TRAPPC9: variants seen among roughly 807,000 people sequenced by gnomAD.
The protein encoded by TRAPPC9 is trafficking protein particle complex subunit 9, also known as IKK2 binding protein.
In TRAPPC9, 83 loss-of-function variants were observed where a neutral mutation model predicts 124.0. That is an observed-to-expected ratio of 0.67 (90% confidence interval 0.56 to 0.80). The LOEUF (loss-of-function observed/expected upper bound fraction) is 0.80, where lower values mean the gene tolerates loss of function less well. Ranked by LOEUF, TRAPPC9 falls within the 30% of genes least tolerant of loss-of-function variation. The pLI, the probability that TRAPPC9 is intolerant of heterozygous loss-of-function variation, is 0.00. For synonymous variants in TRAPPC9, 638 were observed against 617.5 expected (o/e 1.03, Z -0.49); for missense variants, 1,302 against 1,508.3 (o/e 0.86, Z 2.27).
At chr8:140,044,265 A>G (rs1165495957) in intron 17 of TRAPPC9, among the ~76,000 whole-genome samples, 1 of 148,596 alleles carries the variant, frequency 6.7e-6, no homozygotes, top group Non-Finnish European at 1.5e-5. Context: ...CAACAGAACA[A>G]CAACGACCAA....
chr8:140,349,393 G>A (rs2067469207), intron 9 of TRAPPC9, among the ~76,000 whole-genome samples: 2 of 139,610 alleles, frequency 1.4e-5, no homozygotes, highest in South Asian at 2.4e-4. Context: ...CAGCGGGGCC[G>A]ATGGGGGCGC....
At chr8:140,031,651 A>T (rs1166911120) in intron 17 of TRAPPC9, among the ~76,000 whole-genome samples, 1 of 152,218 alleles carries the variant, frequency 6.6e-6, no homozygotes, top group African/African-American at 2.4e-5. Flanking sequence ...GGTCAATGAA[A>T]CTCACAAATA....
chr8:140,267,445 T>C (rs1462205400), intron 15 of TRAPPC9, among the ~76,000 whole-genome samples: 1 of 152,178 alleles, frequency 6.6e-6, no homozygotes, highest in South Asian at 2.1e-4. Context: ...CGGGTAAGAG[T>C]GTCAATACTA....
At position 140,249,634 on chromosome 8, in the gene TRAPPC9, C is replaced by G. The variant is rs370963580; in HGVS notation, c.2431+3143G>C. On this transcript the variant is annotated intron_variant, in intron 16 of 22. Transcript: ENST00000438773. ...TTTTTTTTTTTTTGAGATGGAGTCT[C>G]GCTCTGTCACCCAGGCTGGAGGGCA... is the stretch of plus-strand genomic sequence containing the variant. Among the ~76,000 whole-genome samples, 242 of 122,028 alleles carry G rather than the reference C, an allele frequency of 2.0e-3. 1 individual carries two copies. The highest frequency in any genetic ancestry group is 7.3e-3 in the African/African-American group (231 of 31,666). 80.1% of individuals were successfully genotyped at this position (122,028 alleles called of 152,430 possible).
At chr8:139,920,648 C>A (rs1038003666) in intron 19 of TRAPPC9, among the ~76,000 whole-genome samples, 4 of 152,240 alleles carry the variant, frequency 2.6e-5, no homozygotes, top group South Asian at 2.1e-4. Context: ...TGAAGTTTCT[C>A]TGCCTTAGAT....
chr8:139,986,554 T>C (rs960591568), intron 19 of TRAPPC9, among the ~76,000 whole-genome samples: 2 of 152,246 alleles, frequency 1.3e-5, no homozygotes, highest in African/African-American at 4.8e-5. Flanking sequence ...CATTATACTA[T>C]ATTTGCATTA....
At chr8:140,220,015 C>G (rs767803183) in intron 17 of TRAPPC9, among the ~76,000 whole-genome samples, 1 of 152,202 alleles carries the variant, frequency 6.6e-6, no homozygotes, top group Non-Finnish European at 1.5e-5. Flanking sequence ...CTCCAGGGCA[C>G]CTGGGGCACG....
At chr8:139,901,662 T>G (rs1831029827) in intron 20 of TRAPPC9, among the ~76,000 whole-genome samples, 1 of 152,230 alleles carries the variant, frequency 6.6e-6, no homozygotes, top group Non-Finnish European at 1.5e-5. Context: ...GACCTAGGAA[T>G]GCTGCCATCT....
intron 5 of TRAPPC9, among the ~76,000 whole-genome samples, chr8:140,420,233 A>T (rs756097679): frequency 2.6e-5 from 4 of 152,196 alleles, no homozygotes; most frequent in Non-Finnish European, 5.9e-5. Context: ...TTGAAAAGAC[A>T]TCCATGTCCA....
At chr8:140,438,380 AT>A (rs2070891487) in intron 3 of TRAPPC9, among the ~76,000 whole-genome samples, 1 of 152,298 alleles carries the variant, frequency 6.6e-6, no homozygotes, top group East Asian at 1.9e-4. Context: ...CTGTATGCCC[AT>A]ACCACATTTC....
At chr8:139,813,558 C>G (rs923547179) in intron 21 of TRAPPC9, among the ~76,000 whole-genome samples, 1 of 152,252 alleles carries the variant, frequency 6.6e-6, no homozygotes, top group Non-Finnish European at 1.5e-5. Context: ...GAACACCGTT[C>G]CCAGCACCTT....
rs1588281141 is a variant in TRAPPC9, at chr8:140,397,656, T to C, written c.1098A>G (p.Glu366=). 2 of 1,614,070 alleles carry C rather than the reference T, an allele frequency of 1.2e-6. No homozygotes were observed. Among genetic ancestry groups the C allele is most frequent in the African/African-American group, 2.7e-5 (2 of 74,936 alleles). Residue 366 remains glutamate, a synonymous_variant, in exon 7 of 23, where the codon GAA becomes GAG. Transcript: ENST00000438773. ...AIQKRSMEAS[E]FLQNAVYINL... The stretch of plus-strand genomic sequence containing the variant: ...TAATGTAAACTGCATTCTGAAGAAA[T>C]TCTGATGCTTCCATGCTCCGTTTCT...
intron 15 of TRAPPC9, among the ~76,000 whole-genome samples, chr8:140,275,143 C>T (rs2065072015): frequency 6.6e-6 from 1 of 152,206 alleles, no homozygotes; most frequent in South Asian, 2.1e-4. Context: ...CTAAATACTA[C>T]CCCCCCTATT....
At chr8:139,966,107 C>A (rs1263316823) in intron 19 of TRAPPC9, among the ~76,000 whole-genome samples, 1 of 145,396 alleles carries the variant, frequency 6.9e-6, no homozygotes, top group Non-Finnish European at 1.5e-5. Flanking sequence ...CCTCTGGGCC[C>A]CTCCAAGCGA....
At chr8:139,783,300 G>A (rs1487549103) in intron 21 of TRAPPC9, among the ~76,000 whole-genome samples, 3 of 152,082 alleles carry the variant, frequency 2.0e-5, no homozygotes, top group Non-Finnish European at 2.9e-5. Context: ...AAACTGATCA[G>A]GAAAGGAAGG....
In TRAPPC9 at chr8:139,951,226, C is replaced by T. The variant is rs149019707; in HGVS notation, c.2810+37500G>A. ...CCCTACTCCTATAGGGGCTTGATGC[C>T]TGCAGGCCCCACCGTTCTCTTCGAA... On this transcript the variant is annotated intron_variant, in intron 19 of 22. Coordinates refer to ENST00000438773, the MANE Select transcript of TRAPPC9 (RefSeq NM_001160372.4). Among the ~76,000 whole-genome samples the T allele has an allele frequency of 9.2e-5, 14 of 152,344 alleles. No individual in the cohort carries two copies. The East Asian group carries it at 2.7e-3, about 29-fold the overall frequency.
intron 11 of TRAPPC9, among the ~76,000 whole-genome samples, chr8:140,292,616 T>C (rs1027172847): frequency 2.0e-5 from 3 of 152,192 alleles, no homozygotes; most frequent in Non-Finnish European, 2.9e-5. Flanking sequence ...TGACATTGCA[T>C]AAATTCCCTA....
intron 10 of TRAPPC9, among the ~76,000 whole-genome samples, chr8:140,301,511 A>G (rs966337579): frequency 6.6e-6 from 1 of 152,224 alleles, no homozygotes; most frequent in African/African-American, 2.4e-5. Context: ...AACAGGTGAC[A>G]CTATGCTCTT....
intron 9 of TRAPPC9, among the ~76,000 whole-genome samples, chr8:140,340,464 A>G (rs1332411087): frequency 6.6e-6 from 1 of 152,216 alleles, no homozygotes; most frequent in Non-Finnish European, 1.5e-5. Context: ...GAAACTGCCC[A>G]CCTGCCTAGT....
Sources: allele counts gnomAD v4.1 joint callset (sites outside exome capture counted in the v4.1 genomes callset), GRCh38; gene constraint gnomAD v4.1.1; transcripts MANE v1.5; gene names NCBI Gene and HGNC (gene_info 2026-07-23, HGNC 2026-07-21).